The following NELL1 variants were observed in gnomAD, a reference collection of about 807,000 sequenced individuals.
The protein encoded by NELL1 is neural EGFL like 1.
A neutral mutation model predicts 107.4 loss-of-function variants in NELL1; 76 were observed. The observed-to-expected ratio is 0.71, with a 90% CI of 0.59 to 0.86. NELL1 has a LOEUF of 0.86. Ranked by LOEUF, NELL1 falls within the 40% of genes least tolerant of loss-of-function variation. The pLI, the probability that NELL1 is intolerant of heterozygous loss-of-function variation, is 0.00. For synonymous variants in NELL1, 353 were observed against 341.2 expected (o/e 1.03, Z -0.38); for missense variants, 1,024 against 1,005.5 (o/e 1.02, Z -0.25).
intron 2 of NELL1, among the ~76,000 whole-genome samples, chr11:20,726,096 A>G (rs1000655185): frequency 6.6e-5 from 10 of 152,224 alleles, no homozygotes; most frequent in South Asian, 2.1e-4. Context: ...TTATGACTGC[A>G]TAATATTCCA....
At chr11:21,349,188 T>A (rs1472925429) in intron 14 of NELL1, among the ~76,000 whole-genome samples, 3 of 152,190 alleles carry the variant, frequency 2.0e-5, no homozygotes, top group African/African-American at 7.2e-5. Flanking sequence ...TTCTTGCTTT[T>A]AAGGCAACTG....
chr11:21,374,506 T>A, intron 15 of NELL1, among the ~76,000 whole-genome samples: 1 of 152,078 alleles, frequency 6.6e-6, no homozygotes, highest in African/African-American at 2.4e-5. Context: ...TAATGCTTTT[T>A]GTGACTCAAT....
chr11:21,054,972 A>G (rs1420633670), intron 12 of NELL1, among the ~76,000 whole-genome samples: 1 of 152,036 alleles, frequency 6.6e-6, no homozygotes, highest in Non-Finnish European at 1.5e-5. Context: ...CCTCACTGGT[A>G]GACTATTTTT....
chr11:21,544,498 G>A (rs1312897544), intron 16 of NELL1, among the ~76,000 whole-genome samples: 3 of 151,894 alleles, frequency 2.0e-5, no homozygotes, highest in South Asian at 2.1e-4. Flanking sequence ...GGGCTGATTC[G>A]ACCTGAAGGA....
chr11:21,481,121 T>A (rs1854482720), intron 15 of NELL1, among the ~76,000 whole-genome samples: 2 of 152,158 alleles, frequency 1.3e-5, no homozygotes, highest in Admixed American at 1.3e-4. Flanking sequence ...TAGCACATAA[T>A]AAGTGCTCAA....
At chr11:21,539,938 T>A (rs932106942) in intron 16 of NELL1, among the ~76,000 whole-genome samples, 3 of 151,992 alleles carry the variant, frequency 2.0e-5, no homozygotes, top group African/African-American at 7.2e-5. Flanking sequence ...ATCAGTAGCT[T>A]TTTAAAAATG....
chr11:20,777,073 C>G (rs1856765035), intron 2 of NELL1, among the ~76,000 whole-genome samples: 1 of 152,220 alleles, frequency 6.6e-6, no homozygotes, highest in African/African-American at 2.4e-5. Context: ...TGATTTATAT[C>G]AAGCACTGAG....
intron 14 of NELL1, among the ~76,000 whole-genome samples, chr11:21,306,390 G>A (rs2133634654): frequency 6.6e-6 from 1 of 152,018 alleles, no homozygotes; most frequent in Admixed American, 6.6e-5. Context: ...AGAATAAACT[G>A]CATAAGCTAG....
chr11:21,440,630 G>A (rs976044030), intron 15 of NELL1, among the ~76,000 whole-genome samples: 6 of 151,288 alleles, frequency 4.0e-5, no homozygotes, highest in South Asian at 2.1e-4. Flanking sequence ...CTGAAGGAGC[G>A]TTGTTAGTGT....
intron 2 of NELL1, among the ~76,000 whole-genome samples, chr11:20,718,796 G>A (rs1016413449): frequency 1.3e-5 from 2 of 152,184 alleles, no homozygotes; most frequent in Admixed American, 6.5e-5. Flanking sequence ...AAATGTTGAT[G>A]AGGCAGAAGG....
At chr11:21,256,329 T>C (rs1219479289) in intron 14 of NELL1, among the ~76,000 whole-genome samples, 1 of 151,992 alleles carries the variant, frequency 6.6e-6, no homozygotes, top group East Asian at 1.9e-4. Context: ...AAATGCTACA[T>C]TTAGTGGATT....
intron 12 of NELL1, among the ~76,000 whole-genome samples, chr11:21,108,466 T>G (rs1484628588): frequency 6.6e-6 from 1 of 152,100 alleles, no homozygotes; most frequent in Non-Finnish European, 1.5e-5. Flanking sequence ...TTTTATTACC[T>G]CAAAAGACCA....
chr11:20,878,830 A>G (rs374766442), intron 4 of NELL1, among the ~76,000 whole-genome samples: 13 of 152,172 alleles, frequency 8.5e-5, no homozygotes, highest in African/African-American at 2.9e-4. Flanking sequence ...TTCATTCAGT[A>G]TCTGAATTTG....
intron 15 of NELL1, among the ~76,000 whole-genome samples, chr11:21,466,608 C>T (rs1854038229): frequency 6.6e-6 from 1 of 152,016 alleles, no homozygotes; most frequent in Non-Finnish European, 1.5e-5. Context: ...TTTATTTTTC[C>T]AGACAAAATC....
At chr11:20,754,974 G>A (rs1856226665) in intron 2 of NELL1, among the ~76,000 whole-genome samples, 1 of 152,164 alleles carries the variant, frequency 6.6e-6, no homozygotes, top group African/African-American at 2.4e-5. Flanking sequence ...CACTCTTAAT[G>A]CTGTTTTATT....
intron 14 of NELL1, among the ~76,000 whole-genome samples, chr11:21,246,730 C>A (rs961379564): frequency 6.6e-6 from 1 of 152,092 alleles, no homozygotes; most frequent in Non-Finnish European, 1.5e-5. Context: ...TAGAGACATA[C>A]CCGAGACTGG....
chr11:20,808,592 G>T (rs79139658), intron 3 of NELL1, among the ~76,000 whole-genome samples: 1 of 152,150 alleles, frequency 6.6e-6, no homozygotes. Context: ...ACTTGCCTAC[G>T]AGTTGCAGTC....
intron 2 of NELL1, among the ~76,000 whole-genome samples, chr11:20,689,744 A>T (rs1193259365): frequency 6.6e-6 from 1 of 151,324 alleles, no homozygotes; most frequent in African/African-American, 2.4e-5. Flanking sequence ...CGCAATAAAC[A>T]TACGTGTGCG....
intron 12 of NELL1, among the ~76,000 whole-genome samples, chr11:20,995,334 C>G (rs1852066240): frequency 6.6e-6 from 1 of 152,066 alleles, no homozygotes; most frequent in African/African-American, 2.4e-5. Context: ...GTAATCCCAG[C>G]ACTTTGGGAG....
Sources: allele counts gnomAD v4.1 joint callset (sites outside exome capture counted in the v4.1 genomes callset), GRCh38; gene constraint gnomAD v4.1.1; transcripts MANE v1.5; gene names NCBI Gene and HGNC (gene_info 2026-07-23, HGNC 2026-07-21).